Variants in FAM153A observed in about 807,000 individuals in gnomAD.
FAM153A encodes protein FAM153A.
A neutral mutation model predicts 48.1 loss-of-function variants in FAM153A; 12 were observed. The observed-to-expected ratio is 0.25, with a 90% confidence interval of 0.16 to 0.40. The LOEUF (loss-of-function observed/expected upper bound fraction) is 0.40, where lower values mean the gene tolerates loss of function less well. FAM153A is among the 10% of genes least tolerant of loss of function. FAM153A has a pLI of 1.00. For missense variants in FAM153A, 111 were observed against 345.8 expected (o/e 0.32, Z 5.38); for synonymous variants, 36 against 118.2 (o/e 0.30, Z 4.51).
At chr5:177,713,588 A>G (rs1758941212) in intron 26 of FAM153A, among the ~76,000 whole-genome samples, 1 of 151,536 alleles carries the variant, frequency 6.6e-6, no homozygotes, top group South Asian at 2.1e-4. Context: ...TAAATGACTG[A>G]GCTGGGTGCT....
Position 177,736,625 on chromosome 5 carries a change from A to G in FAM153A, c.634-16T>C. The G allele has an allele frequency of 1.2e-6, 2 of 1,600,716 alleles. No individual in the cohort carries two copies. The highest frequency in any genetic ancestry group is 1.7e-6 in the Non-Finnish European group (2 of 1,175,144). On this transcript the variant is annotated splice_polypyrimidine_tract_variant and intron_variant, in intron 11 of 20. Coordinates refer to ENST00000614127, the Ensembl canonical transcript of FAM153A. ...CCCCCTCCATCTAGAGAAAAACAAA[A>G]CACTATGAGGATCAGACCAGGCTGT...
chr5:177,755,642 A>G (rs1437633213), upstream of FAM153A, among the ~76,000 whole-genome samples: 1 of 151,896 alleles, frequency 6.6e-6, no homozygotes, highest in African/African-American at 2.4e-5. Flanking sequence ...ATCTCTTGGC[A>G]TAAACTCCAC....
intron 18 of FAM153A, among the ~76,000 whole-genome samples, chr5:177,728,527 G>T (rs373155702): frequency 0.1 from 14,797 of 142,410 alleles, 1,013 homozygotes; most frequent in East Asian, 0.3. Context: ...CATGGTTAGA[G>T]TACTGGACTC....
At chr5:177,781,264 A>ATTTTTTTTTTTTTT (rs1303137176), upstream of FAM153A, among the ~76,000 whole-genome samples, 21 of 75,280 alleles carry the variant, frequency 2.8e-4, no homozygotes, top group Middle Eastern at 7.7e-3. Context: ...ACGCCCGGCT[A>ATTTTTTTTTTTTTT]TTTTTTTTTT....
intron 4 of FAM153A, 144 bp downstream of exon 6, chr5:177,747,625 T>C (rs988732294): frequency 1.2e-5 from 8 of 672,302 alleles, no homozygotes; most frequent in Admixed American, 4.5e-5. Flanking sequence ...GGTTCTTCAC[T>C]TGTCAAGACA....
chr5:177,711,437 A>G (rs1478886515), exon 27 of FAM153A: 1 of 152,000 alleles, frequency 6.6e-6, no homozygotes, highest in Non-Finnish European at 1.5e-5. Context: ...ATCTCATGAA[A>G]TAATTTTGAT....
chr5:177,754,782 G>C, upstream of FAM153A, among the ~76,000 whole-genome samples: 1 of 151,918 alleles, frequency 6.6e-6, no homozygotes, highest in Non-Finnish European at 1.5e-5. Context: ...GGTCCTGGCT[G>C]TTAGAAGGAT....
At chr5:177,776,615 C>T (rs1442875347) in intron 1 of FAM153A, among the ~76,000 whole-genome samples, 4 of 76,790 alleles carry the variant, frequency 5.2e-5, no homozygotes, top group Non-Finnish European at 1.0e-4. Flanking sequence ...AAAGAGGACA[C>T]AAACAAATGG....
chr5:177,722,143 T>TG (rs1251275306), downstream of FAM153A: 62 of 143,836 alleles, frequency 4.3e-4, no homozygotes, highest in African/African-American at 1.6e-3. Flanking sequence ...TTTTTTTTTT[T>TG]TTTGAGACAA....
chr5:177,719,231 T>A (rs1056501075), downstream of FAM153A, among the ~76,000 whole-genome samples: 6 of 151,262 alleles, frequency 4.0e-5, no homozygotes, highest in Admixed American at 3.9e-4. Context: ...CAGTCAATTA[T>A]AAGTTATTAT....
downstream of FAM153A, chr5:177,718,470 T>C (rs1001769839): frequency 7.7e-6 from 1 of 130,374 alleles, no homozygotes; most frequent in African/African-American, 2.7e-5. Flanking sequence ...CACCTGTAGG[T>C]AACTTAAAGT....
downstream of FAM153A, among the ~76,000 whole-genome samples, chr5:177,708,277 G>C (rs1329619982): frequency 1.4e-5 from 1 of 71,390 alleles, no homozygotes; most frequent in Non-Finnish European, 2.8e-5. Flanking sequence ...AGGCAGCAGA[G>C]GTGCTCTCTT....
At chr5:177,739,051 C>T (rs1236778618) in intron 10 of FAM153A, 62 bp downstream of exon 12, 16 of 1,534,852 alleles carry the variant, frequency 1.0e-5, no homozygotes, top group East Asian at 4.5e-5. Flanking sequence ...CAGGCAAGAA[C>T]GTGTCACCTT....
the FAM153A span, among the ~76,000 whole-genome samples, chr5:177,694,864 A>G: frequency 2.0e-5 from 3 of 150,492 alleles, no homozygotes; most frequent in African/African-American, 7.4e-5. Flanking sequence ...CTTTTCCCTA[A>G]TTAGGACTCC....
chr5:177,696,112 C>T, the FAM153A span, among the ~76,000 whole-genome samples: 189 of 129,482 alleles, frequency 1.5e-3, 2 homozygotes, highest in African/African-American at 2.0e-3. Flanking sequence ...GACGGGGTGG[C>T]GGCTGGGCAG....
rs1157997591 is a variant in FAM153A, at chr5:177,738,672, TG to T, written c.562+440del. Among the ~76,000 whole-genome samples the T allele has an allele frequency of 9.9e-5, 15 of 151,222 alleles. 1 individual carries two copies. The highest frequency in any genetic ancestry group is 3.7e-4 in the African/African-American group (15 of 40,614). On this transcript the variant is annotated intron_variant, in intron 10 of 20. Coordinates refer to ENST00000614127, the Ensembl canonical transcript of FAM153A. ...CTCTGCACTATCTCCAGCTGCGTAC[TG>T]GGGATATTAAACTGGCCTTCAGCTA... is the stretch of plus-strand genomic sequence containing the variant.
the FAM153A span, among the ~76,000 whole-genome samples, chr5:177,699,924 A>G: frequency 4.6e-5 from 7 of 152,054 alleles, no homozygotes; most frequent in East Asian, 7.7e-4. Flanking sequence ...CTACCAACCA[A>G]TATCTCCTAT....
chr5:177,716,130 C>T (rs1245912591), intron 25 of FAM153A, among the ~76,000 whole-genome samples: 1 of 151,458 alleles, frequency 6.6e-6, no homozygotes, highest in Non-Finnish European at 1.5e-5. Context: ...ACTACAGGCA[C>T]GTGCCACCAT....
intron 18 of FAM153A, among the ~76,000 whole-genome samples, chr5:177,725,728 AGCTGCCCAGAGGCTCT>A (rs1762307655): frequency 6.6e-6 from 1 of 151,732 alleles, no homozygotes; most frequent in Non-Finnish European, 1.5e-5. Flanking sequence ...CTACTGTGCC[AGCTGCCCAGAGGCTCT>A]GCCCTGGGCC....
Sources: gnomAD v4.1 joint callset for allele counts (sites outside exome capture counted in the v4.1 genomes callset) on GRCh38, gnomAD v4.1.1 for gene constraint, MANE v1.5 for transcripts, NCBI Gene and HGNC (gene_info 2026-07-23, HGNC 2026-07-21) for gene names.